The following CRISP2 variants were observed in gnomAD, a reference collection of about 807,000 sequenced individuals.
The protein encoded by CRISP2 is cysteine-rich secretory protein 2.
In CRISP2, 29 loss-of-function variants were observed where a neutral mutation model predicts 31.7. The ratio of observed to expected loss-of-function variants is 0.92; its 90% CI spans 0.68 to 1.25. The LOEUF (loss-of-function observed/expected upper bound fraction) is 1.25, where lower values mean the gene tolerates loss of function less well. Ranked by LOEUF, CRISP2 falls within the 50% of genes most tolerant of loss-of-function variation. The pLI, the probability that CRISP2 is intolerant of heterozygous loss-of-function variation, is 0.00. For missense variants in CRISP2, 318 were observed against 286.5 expected (o/e 1.11, Z -0.79); for synonymous variants, 111 against 101.4 (o/e 1.09, Z -0.57).
At chr6:49,696,603 A>G (rs1290176793) in intron 8 of CRISP2, among the ~76,000 whole-genome samples, 1 of 148,898 alleles carries the variant, frequency 6.7e-6, no homozygotes, top group African/African-American at 2.6e-5. Flanking sequence ...AAAAAAAAAG[A>G]AAAAAAGATT....
At chr6:49,702,072 T>C (rs150917762) in intron 4 of CRISP2, among the ~76,000 whole-genome samples, 3,370 of 114,824 alleles carry the variant, frequency 0.029, 200 homozygotes, top group African/African-American at 0.11. Flanking sequence ...TACATTAATA[T>C]AATGTAATAT....
intron 5 of CRISP2, among the ~76,000 whole-genome samples, chr6:49,700,279 T>C (rs2115681): frequency 6.6e-6 from 1 of 152,152 alleles, no homozygotes; most frequent in Non-Finnish European, 1.5e-5. Flanking sequence ...ATTGCTTTCA[T>C]ATCGGAGATA....
intron 4 of CRISP2, among the ~76,000 whole-genome samples, chr6:49,707,530 T>C (rs1767280235): frequency 6.6e-6 from 1 of 152,076 alleles, no homozygotes. Flanking sequence ...AGCTGAGATG[T>C]TACAGGGGAT....
intron 8 of CRISP2, 185 bp downstream of exon 8, chr6:49,697,675 C>A (rs866202862): frequency 4.4e-5 from 65 of 1,489,804 alleles, no homozygotes; most frequent in Non-Finnish European, 5.2e-5. Context: ...AGTTTTTATA[C>A]CTGAAAGTGA....
At chr6:49,677,913 A>G in the CRISP2 span, among the ~76,000 whole-genome samples, 2 of 152,106 alleles carry the variant, frequency 1.3e-5, no homozygotes, top group African/African-American at 2.4e-5. Flanking sequence ...AATTCTTGAT[A>G]TGATCACTGA....
chr6:49,682,483 T>TC, the CRISP2 span, among the ~76,000 whole-genome samples: 3 of 7,978 alleles, frequency 3.8e-4, no homozygotes, highest in South Asian at 9.3e-3. Flanking sequence ...CCTCCCTCCC[T>TC]CCTCCTCCTC....
At chr6:49,702,041 TA>T (rs1374732048) in intron 4 of CRISP2, among the ~76,000 whole-genome samples, 2 of 112,786 alleles carry the variant, frequency 1.8e-5, no homozygotes, top group Admixed American at 1.1e-4. Context: ...TATACATATA[TA>T]AGTTTATATT....
intron 8 of CRISP2, chr6:49,697,587 C>T: frequency 1.6e-6 from 1 of 634,956 alleles, no homozygotes; most frequent in Non-Finnish European, 2.5e-6. Flanking sequence ...ATTACACATG[C>T]TCACAGAGTA....
upstream of CRISP2, among the ~76,000 whole-genome samples, chr6:49,713,790 G>A (rs1016540788): frequency 6.6e-6 from 1 of 152,220 alleles, no homozygotes. Context: ...CGTACTAGGA[G>A]GAGGAGGGAG....
At chr6:49,689,269 A>C (rs2127378623), downstream of CRISP2, among the ~76,000 whole-genome samples, 1 of 152,306 alleles carries the variant, frequency 6.6e-6, no homozygotes, top group South Asian at 2.1e-4. Context: ...GCATATTTAA[A>C]ATTATATTAC....
chr6:49,701,869 T>A (rs1409897496), intron 4 of CRISP2, among the ~76,000 whole-genome samples: 2 of 101,364 alleles, frequency 2.0e-5, no homozygotes, highest in African/African-American at 7.8e-5. Flanking sequence ...TATTATTATA[T>A]ATTATGTATT....
At chr6:49,683,499 A>T in the CRISP2 span, among the ~76,000 whole-genome samples, 1 of 148,712 alleles carries the variant, frequency 6.7e-6, no homozygotes, top group Non-Finnish European at 1.5e-5. Flanking sequence ...CCTCGCCTCT[A>T]CTAAAAATAC....
chr6:49,704,122 T>C (rs944425851), intron 4 of CRISP2, among the ~76,000 whole-genome samples: 1 of 152,166 alleles, frequency 6.6e-6, no homozygotes, highest in Non-Finnish European at 1.5e-5. Context: ...TGAAGTTCTT[T>C]CTTCTACTTG....
At chr6:49,683,035 G>A in the CRISP2 span, among the ~76,000 whole-genome samples, 1 of 152,036 alleles carries the variant, frequency 6.6e-6, no homozygotes, top group Non-Finnish European at 1.5e-5. Flanking sequence ...GCATGTGCCT[G>A]TAATCCCAGC....
chr6:49,713,004 G>C lies in CRISP2; in HGVS notation c.-150-400C>G, dbSNP rs917946433. ...ACGTGGATTTGGGGGTAACAGCTTT[G>C]TCTCTTCATTTTTTTTTTAAATTCT... On this transcript the variant is annotated intron_variant, in intron 1 of 9. Coordinates refer to ENST00000339139, the MANE Select transcript of CRISP2 (RefSeq NM_003296.4). Among the ~76,000 whole-genome samples the C allele has an allele frequency of 3.0e-4, 46 of 151,844 alleles. 1 individual carries two copies. The highest frequency in any genetic ancestry group is 1.3e-4 in the Non-Finnish European group (9 of 67,986).
At chr6:49,699,239 T>C (rs939635388) in intron 6 of CRISP2, among the ~76,000 whole-genome samples, 4 of 152,044 alleles carry the variant, frequency 2.6e-5, no homozygotes, top group African/African-American at 9.6e-5. Context: ...AAAATTAATA[T>C]ATTAATATAT....
At chr6:49,687,467 G>A (rs1763918959), downstream of CRISP2, among the ~76,000 whole-genome samples, 1 of 152,156 alleles carries the variant, frequency 6.6e-6, no homozygotes, top group South Asian at 2.1e-4. Flanking sequence ...ATCACTGGAA[G>A]CATCACATTG....
chr6:49,692,592 C>T lies in CRISP2; in HGVS notation c.*181G>A, dbSNP rs9369914. On this transcript the variant is annotated 3_prime_UTR_variant, in exon 10 of 10. Transcript: ENST00000339139. ...TGTCAGAGTTCACAGTTGTCATCAT[C>T]TACTATGCTACTTTTGTAAATCATT... is the stretch of plus-strand genomic sequence containing the variant. 5 of 536,938 alleles carry T rather than the reference C, an allele frequency of 9.3e-6. No homozygotes were observed. Among genetic ancestry groups the T allele is most frequent in the Non-Finnish European group, 1.6e-5 (5 of 308,798 alleles). 33.3% of individuals were successfully genotyped at this position (536,938 alleles called of 1,614,324 possible).
intron 5 of CRISP2, 37 bp downstream of exon 5, chr6:49,700,631 T>G: frequency 7.6e-7 from 1 of 1,318,908 alleles, no homozygotes; most frequent in East Asian, 2.3e-5. Context: ...CTTCCACAGC[T>G]GATTCACACC....
Sources: allele counts gnomAD v4.1 joint callset (sites outside exome capture counted in the v4.1 genomes callset), GRCh38; gene constraint gnomAD v4.1.1; transcripts MANE v1.5; gene names NCBI Gene and HGNC (gene_info 2026-07-23, HGNC 2026-07-21).